Variants in TMEM182 observed in about 807,000 individuals in gnomAD.
The protein encoded by TMEM182 is transmembrane protein 182.
TMEM182 carries 20 observed loss-of-function variants against 26.8 expected under a neutral mutation model. That is an observed-to-expected ratio of 0.75 (90% CI 0.53 to 1.09). The LOEUF is 1.09. Ranked by LOEUF, TMEM182 falls within the 50% of genes least tolerant of loss-of-function variation. The probability of loss-of-function intolerance (pLI) is 0.00; values close to 1 mark genes in which losing one functional copy is unlikely to be tolerated. For missense variants in TMEM182, 277 were observed against 275.5 expected, an observed-to-expected ratio of 1.01 and a Z score of -0.04; for synonymous variants, 109 against 102.2, an observed-to-expected ratio of 1.07 and a Z score of -0.40.
chr2:102,749,223 G>A (rs1339391289), intron 1 of TMEM182, among the ~76,000 whole-genome samples: 1 of 152,018 alleles, frequency 6.6e-6, no homozygotes, highest in Non-Finnish European at 1.5e-5. Context: ...ATATAAAACA[G>A]TAAAATATCA....
At chr2:102,740,175 A>C (rs2104625261) in intron 1 of TMEM182, among the ~76,000 whole-genome samples, 1 of 152,318 alleles carries the variant, frequency 6.6e-6, no homozygotes, top group South Asian at 2.1e-4. Flanking sequence ...TTAATGAGTA[A>C]AATACTGTAG....
intron 4 of TMEM182, among the ~76,000 whole-genome samples, chr2:102,806,402 G>A (rs1682348665): frequency 1.3e-5 from 2 of 152,108 alleles, no homozygotes; most frequent in Admixed American, 6.6e-5. Context: ...TCTGTTCTTG[G>A]CAAAACATTT....
downstream of TMEM182, among the ~76,000 whole-genome samples, chr2:102,818,968 A>G (rs542888377): frequency 2.0e-5 from 3 of 152,214 alleles, no homozygotes; most frequent in Non-Finnish European, 4.4e-5. Context: ...AATAATTGGC[A>G]TCCTGCACGG....
chr2:102,740,858 T>C (rs754348606), intron 1 of TMEM182, among the ~76,000 whole-genome samples: 2 of 152,206 alleles, frequency 1.3e-5, no homozygotes, highest in Non-Finnish European at 2.9e-5. Context: ...GGTATAGCCA[T>C]ACAATTCAGT....
chr2:102,793,034 T>A (rs184630974), intron 3 of TMEM182, among the ~76,000 whole-genome samples: 4 of 152,210 alleles, frequency 2.6e-5, no homozygotes, highest in Non-Finnish European at 5.9e-5. Flanking sequence ...CTGCCGTCTG[T>A]GTGACCTGGT....
intron 1 of TMEM182, among the ~76,000 whole-genome samples, chr2:102,749,243 A>T (rs1679805805): frequency 6.6e-6 from 1 of 152,200 alleles, no homozygotes; most frequent in Non-Finnish European, 1.5e-5. Context: ...AGATAGTAAT[A>T]AGGAATGAAG....
chr2:102,824,914 C>CT (rs1458155041), intron 3 of TMEM182, among the ~76,000 whole-genome samples: 1 of 152,190 alleles, frequency 6.6e-6, no homozygotes, highest in Admixed American at 6.5e-5. Context: ...CCTAGCCATG[C>CT]TTCCTGTGCA....
chr2:102,753,273 A>G (rs111963087), intron 1 of TMEM182, among the ~76,000 whole-genome samples: 1 of 152,024 alleles, frequency 6.6e-6, no homozygotes, highest in African/African-American at 2.4e-5. Flanking sequence ...CTGGAGCTAC[A>G]TAGCAAACCC....
intron 3 of TMEM182, among the ~76,000 whole-genome samples, chr2:102,841,840 C>T (rs1332623492): frequency 3.3e-5 from 5 of 152,054 alleles, no homozygotes; most frequent in African/African-American, 9.7e-5. Flanking sequence ...TCTGAAAATC[C>T]GGATTCAGAT....
rs140871720 is a variant in TMEM182 at position 102,805,541 on chromosome 2, G to A, written c.469+7541G>A. On this transcript the variant is annotated intron_variant, in intron 4 of 4. Transcript: ENST00000412401. ...CACCATCTCAGGAATACCTTTGGTG[G>A]AGCTTTTCTGAACAACCTTAAACTT... is the stretch of plus-strand genomic sequence containing the variant. Among the ~76,000 whole-genome samples, 701 of 151,796 alleles carry A rather than the reference G, an allele frequency of 4.6e-3. 4 individuals are homozygous for A. The highest frequency in any genetic ancestry group is 0.016 in the African/African-American group (646 of 41,318).
intron 3 of TMEM182, among the ~76,000 whole-genome samples, chr2:102,795,558 A>G (rs566566153): frequency 6.6e-6 from 1 of 152,118 alleles, no homozygotes; most frequent in Non-Finnish European, 1.5e-5. Flanking sequence ...TGTGCTGTGC[A>G]CCCTGGGGCG....
At chr2:102,748,894 A>C (rs1679793980) in intron 1 of TMEM182, among the ~76,000 whole-genome samples, 2 of 152,024 alleles carry the variant, frequency 1.3e-5, no homozygotes, top group Non-Finnish European at 2.9e-5. Flanking sequence ...ATTCTCCACC[A>C]CTCTTAGAGC....
At chr2:102,740,025 C>T (rs990364585) in intron 1 of TMEM182, among the ~76,000 whole-genome samples, 3 of 151,942 alleles carry the variant, frequency 2.0e-5, no homozygotes, top group Admixed American at 6.6e-5. Flanking sequence ...GACCTGTACA[C>T]TGAAAAATAT....
chr2:102,822,176 C>G (rs187928456), downstream of TMEM182, among the ~76,000 whole-genome samples: 2 of 152,114 alleles, frequency 1.3e-5, no homozygotes, highest in East Asian at 3.9e-4. Flanking sequence ...TTCAGAGGAG[C>G]AATGTGGGCC....
intron 3 of TMEM182, among the ~76,000 whole-genome samples, chr2:102,791,577 C>T (rs1681639979): frequency 6.6e-6 from 1 of 152,226 alleles, no homozygotes; most frequent in African/African-American, 2.4e-5. Context: ...AATTTACCAA[C>T]TGACTGAAAA....
intron 3 of TMEM182, among the ~76,000 whole-genome samples, chr2:102,785,812 T>C (rs1005865261): frequency 6.6e-6 from 1 of 152,168 alleles, no homozygotes; most frequent in African/African-American, 2.4e-5. Flanking sequence ...ATGTTAGATG[T>C]TTATGAGGCA....
At chr2:102,777,626 A>G (rs1680975167) in intron 3 of TMEM182, among the ~76,000 whole-genome samples, 1 of 152,028 alleles carries the variant, frequency 6.6e-6, no homozygotes, top group South Asian at 2.1e-4. Context: ...TTTCCTGCAA[A>G]TATGCTGAAT....
At chr2:102,758,429 T>A (rs775551536), upstream of TMEM182, 5 of 716,246 alleles carry the variant, frequency 7.0e-6, no homozygotes, top group South Asian at 4.5e-5. Flanking sequence ...GACAGGCAAA[T>A]GTCCAATTTT....
upstream of TMEM182, among the ~76,000 whole-genome samples, chr2:102,758,807 A>AT (rs770512867): frequency 6.6e-6 from 1 of 152,166 alleles, no homozygotes; most frequent in Non-Finnish European, 1.5e-5. Flanking sequence ...AAAGTATTCT[A>AT]TTTTTCTCAA....
Sources: gnomAD v4.1 joint callset for allele counts (sites outside exome capture counted in the v4.1 genomes callset) on GRCh38, gnomAD v4.1.1 for gene constraint, MANE v1.5 for transcripts, NCBI Gene and HGNC (gene_info 2026-07-23, HGNC 2026-07-21) for gene names.